Variants in PPARGC1B observed in about 807,000 individuals in gnomAD.
The protein encoded by PPARGC1B is PPARG coactivator 1 beta.
A neutral mutation model predicts 101.6 loss-of-function variants in PPARGC1B; 34 were observed. That is an observed-to-expected ratio of 0.33 (90% CI 0.25 to 0.45). PPARGC1B has a LOEUF of 0.45. Ranked by LOEUF, PPARGC1B falls within the 20% of genes least tolerant of loss-of-function variation. The pLI is 1.00. For missense variants in PPARGC1B, 1,234 were observed against 1,317.6 expected, an observed-to-expected ratio of 0.94 and a Z score of 0.98; for synonymous variants, 548 against 539.3, an observed-to-expected ratio of 1.02 and a Z score of -0.22.
In PPARGC1B at chr5:149,834,720, T is replaced by C; in HGVS notation, c.1742+10T>C. On this transcript the variant is annotated intron_variant, in intron 6 of 11. Transcript: ENST00000309241. The stretch of plus-strand genomic sequence containing the variant: ...TGGCCTTGTCACAAAGGTAGATTTT[T>C]AGAAATTATTGGTGTATTGTTCCAT... 6.2e-7 allele frequency: 1 copy of C among 1,610,116 alleles called. No homozygotes were observed. The highest frequency in any genetic ancestry group is 8.5e-7 in the Non-Finnish European group (1 of 1,176,350).
In PPARGC1B at chr5:149,832,517, C is replaced by T; in HGVS notation, c.583-139C>T. On this transcript the variant is annotated intron_variant, in intron 4 of 11. Transcript: ENST00000309241. This position sits in a 1 kb window ranked among gnomAD's most constrained non-coding sequence, Gnocchi z 4.9. ...CAGGTGCCCGGCTCTGTGTGGGAAGCTGGGGACGGAATGAAGGAAACCTGG... is the reference window on the plus strand; with the variant it reads ...CAGGTGCCCGGCTCTGTGTGGGAAGTTGGGGACGGAATGAAGGAAACCTGG... 1.4e-6 allele frequency: 1 copy of T among 699,974 alleles called. No individual in the cohort carries two copies. 43.4% of individuals were successfully genotyped at this position (699,974 alleles called of 1,614,324 possible).
At chr5:149,770,889 A>G (rs951121933) in intron 1 of PPARGC1B, among the ~76,000 whole-genome samples, 2 of 152,172 alleles carry the variant, frequency 1.3e-5, no homozygotes, top group Admixed American at 1.3e-4. Context: ...TGATTGGAAT[A>G]GTATGAGACA....
chr5:149,812,603 T>C (rs4705384), intron 1 of PPARGC1B, among the ~76,000 whole-genome samples: 14,549 of 152,284 alleles, frequency 0.096, 1,047 homozygotes, highest in African/African-American at 0.18. Flanking sequence ...AGTTATTTTA[T>C]TGGGAATCTA....
intron 1 of PPARGC1B, among the ~76,000 whole-genome samples, chr5:149,780,347 G>A (rs1053568622): frequency 6.6e-6 from 1 of 152,208 alleles, no homozygotes; most frequent in South Asian, 2.1e-4. Flanking sequence ...TTGGGTGCAG[G>A]ATTTCAAATC....
chr5:149,784,730 G>C (rs959456867), intron 1 of PPARGC1B, among the ~76,000 whole-genome samples: 1 of 151,950 alleles, frequency 6.6e-6, no homozygotes, highest in African/African-American at 2.4e-5. Flanking sequence ...ACCACGCCCG[G>C]CTAATTTTTT....
intron 1 of PPARGC1B, among the ~76,000 whole-genome samples, chr5:149,731,999 C>T (rs911586604): frequency 6.6e-6 from 1 of 151,992 alleles, no homozygotes; most frequent in Non-Finnish European, 1.5e-5. Context: ...TGTGATTGCG[C>T]TTCTCGAGAT....
chr5:149,820,330 C>G (rs1758237375), intron 1 of PPARGC1B, 103 bp from the exon 2 acceptor site: 1 of 1,172,342 alleles, frequency 8.5e-7, no homozygotes, highest in Admixed American at 2.1e-5. Context: ...AAAATCGGGC[C>G]TTGGCCACGG....
chr5:149,802,051 C>T (rs892304445), intron 1 of PPARGC1B, among the ~76,000 whole-genome samples: 3 of 152,294 alleles, frequency 2.0e-5, no homozygotes, highest in Non-Finnish European at 4.4e-5. Flanking sequence ...AGCACCGCCC[C>T]GTCCCTGACC....
At chr5:149,814,928 G>A (rs556069304) in intron 1 of PPARGC1B, among the ~76,000 whole-genome samples, 47 of 152,372 alleles carry the variant, frequency 3.1e-4, no homozygotes, top group African/African-American at 8.7e-4. Flanking sequence ...CACACGGGCC[G>A]TACAAACAGT....
At chr5:149,782,678 A>G (rs1756637931) in intron 1 of PPARGC1B, among the ~76,000 whole-genome samples, 1 of 152,138 alleles carries the variant, frequency 6.6e-6, no homozygotes, top group African/African-American at 2.4e-5. Context: ...GGGTAGGGGC[A>G]GGGGTTGCTG....
chr5:149,833,548 T>C lies in PPARGC1B; in HGVS notation c.1475T>C (p.Phe492Ser). 1.3e-6 allele frequency: 2 copies of C among 1,582,696 alleles called. No individual in the cohort carries two copies. Among genetic ancestry groups the C allele is most frequent in the Non-Finnish European group, 1.7e-6 (2 of 1,164,534 alleles). Residue 492 changes from phenylalanine (F) to serine (S), a missense_variant, in exon 5 of 12, where the codon TTT becomes TCT. By Grantham distance (155) the Phe-to-Ser change is radical (BLOSUM62 -2). Transcript: ENST00000309241. The surrounding 1 kb of genome is among the most constrained non-coding windows in gnomAD (Gnocchi z 4.1). ...LNPELGPWLTFADEPLVPSEP... is the reference protein window; with the variant it reads ...LNPELGPWLTSADEPLVPSEP... The stretch of plus-strand genomic sequence containing the variant: ...CCTGAGCTGGGCCCCTGGCTGACAT[T>C]TGCAGATGAGCCGCTGGTCCCCTCG...
intron 3 of PPARGC1B, 33 bp from the exon 4 acceptor site, chr5:149,830,733 GC>G (rs1207774868): frequency 6.5e-7 from 1 of 1,538,058 alleles, no homozygotes; most frequent in South Asian, 1.1e-5. Flanking sequence ...CTGTGGCTCA[GC>G]CCCGGCTCCT....
At chr5:149,816,538 G>T (rs1377297680) in intron 1 of PPARGC1B, among the ~76,000 whole-genome samples, 1 of 152,236 alleles carries the variant, frequency 6.6e-6, no homozygotes, top group African/African-American at 2.4e-5. Context: ...CATAGCTTTT[G>T]TCTGGTTTTT....
intron 1 of PPARGC1B, among the ~76,000 whole-genome samples, chr5:149,755,003 T>A (rs1755455517): frequency 6.8e-6 from 1 of 146,582 alleles, no homozygotes; most frequent in Non-Finnish European, 1.5e-5. Context: ...ACATATACAC[T>A]ACATATATAT....
chr5:149,838,247 C>T (rs1372966769), intron 8 of PPARGC1B, among the ~76,000 whole-genome samples: 1 of 152,156 alleles, frequency 6.6e-6, no homozygotes, highest in Non-Finnish European at 1.5e-5. Flanking sequence ...AATGTGCATA[C>T]ACATCTAACT....
rs1759136976 is a variant in PPARGC1B at position 149,837,208 on chromosome 5, G to A, written c.2618+135G>A. 4.3e-6 allele frequency: 6 copies of A among 1,379,608 alleles called. No homozygotes were observed. The highest frequency in any genetic ancestry group is 1.4e-5 in the African/African-American group (1 of 69,044). 85.5% of individuals were successfully genotyped at this position (1,379,608 alleles called of 1,614,324 possible). On this transcript the variant is annotated intron_variant, in intron 8 of 11. Transcript: ENST00000309241. The surrounding 1 kb of genome is among the most constrained non-coding windows in gnomAD (Gnocchi z 4.2). ...GGCTGCATCTCCCAGTGTGGCCCATGTCTTGGTCAGGAGCCTTGAAGGTGG... is the reference window on the plus strand; with the variant it reads ...GGCTGCATCTCCCAGTGTGGCCCATATCTTGGTCAGGAGCCTTGAAGGTGG...
At position 149,747,861 on chromosome 5, in the gene PPARGC1B, G is replaced by A. The variant is rs544936547; in HGVS notation, c.78+17441G>A. On this transcript the variant is annotated intron_variant, in intron 1 of 11. Coordinates refer to ENST00000309241, the MANE Select transcript of PPARGC1B (RefSeq NM_133263.4). ...GGCAAAACTAGAGGACAGTGATGGTGTCTTGGGTGGAAGCTGCTTTGCCAG... is the reference window on the plus strand; with the variant it reads ...GGCAAAACTAGAGGACAGTGATGGTATCTTGGGTGGAAGCTGCTTTGCCAG... Among the ~76,000 whole-genome samples, 5 of 152,310 alleles carry A rather than the reference G, an allele frequency of 3.3e-5. No individual in the cohort carries two copies. The South Asian group carries it at 8.3e-4, about 25-fold the overall frequency.
intron 1 of PPARGC1B, among the ~76,000 whole-genome samples, chr5:149,790,982 G>C (rs1756995166): frequency 6.6e-6 from 1 of 151,950 alleles, no homozygotes; most frequent in South Asian, 2.1e-4. Flanking sequence ...AACCAAACTG[G>C]GTCTCTTCTT....
chr5:149,833,372 C>CGAGGAAGAAGAG lies in PPARGC1B; in HGVS notation c.1305_1316dup (p.Glu441_Glu444dup). 1.2e-6 allele frequency: 2 copies of CGAGGAAGAAGAG among 1,612,832 alleles called. No individual in the cohort carries two copies. Among genetic ancestry groups the CGAGGAAGAAGAG allele is most frequent in the Non-Finnish European group, 1.7e-6 (2 of 1,179,830 alleles). On this transcript the variant is annotated inframe_insertion, in exon 5 of 12. Transcript: ENST00000309241. This position sits in a 1 kb window ranked among gnomAD's most constrained non-coding sequence, Gnocchi z 4.1. ...GACTGCAGCAGCAGGAGGAGGAAGA[C>CGAGGAAGAAGAG]GAGGAAGAAGAGGAGGAGGAAGAGG...
Sources: allele counts gnomAD v4.1 joint callset (sites outside exome capture counted in the v4.1 genomes callset), GRCh38; gene constraint gnomAD v4.1.1; non-coding constraint Gnocchi (gnomAD v3.1); transcripts MANE v1.5; gene names NCBI Gene and HGNC (gene_info 2026-07-23, HGNC 2026-07-21).